NOBOX: variants seen among roughly 807,000 people sequenced by gnomAD.
The protein encoded by NOBOX is homeobox protein NOBOX.
A neutral mutation model predicts 60.2 loss-of-function variants in NOBOX; 46 were observed. The observed-to-expected ratio is 0.76, with a 90% confidence interval of 0.60 to 0.98. The LOEUF (loss-of-function observed/expected upper bound fraction) is 0.98. Ranked by LOEUF, NOBOX falls within the 50% of genes least tolerant of loss-of-function variation. NOBOX has a pLI of 0.00. For missense variants in NOBOX, 880 were observed against 865.5 expected, an observed-to-expected ratio of 1.02 and a Z score of -0.21; for synonymous variants, 360 against 346.3, an observed-to-expected ratio of 1.04 and a Z score of -0.44.
rs757697634 is a variant in NOBOX at position 144,404,675 on chromosome 7, G to T, written c.91C>A (p.Pro31Thr). Residue 31 changes from proline to threonine, a missense_variant, in exon 2 of 10, where the codon CCC becomes ACC. By Grantham distance (38) the Pro-to-Thr change is conservative. Transcript: ENST00000467773. ...ACAGGAAATTCAGGTACAGCCAGGG[G>T]CGGCCCTGCCAGGGACGGTGTGGTT... 1 of 1,613,456 alleles carries T rather than the reference G, an allele frequency of 6.2e-7. No individual in the cohort carries two copies. The highest frequency in any genetic ancestry group is 8.5e-7 in the Non-Finnish European group (1 of 1,179,558).
At chr7:144,403,906 G>A (rs1177906882) in intron 2 of NOBOX, among the ~76,000 whole-genome samples, 7 of 152,008 alleles carry the variant, frequency 4.6e-5, no homozygotes, top group Admixed American at 4.6e-4. Context: ...GGAGGACCCG[G>A]GCCTGGGCGC....
chr7:144,403,802 G>C, intron 2 of NOBOX, 109 bp from the exon 1 acceptor site: 1 of 455,336 alleles, frequency 2.2e-6, no homozygotes, highest in South Asian at 2.7e-5. Flanking sequence ...CGGGCCGGGG[G>C]AGCCGTAGCC....
Position 144,397,452 on chromosome 7 carries a change from C to T in NOBOX, c.1864G>A (p.Asp622Asn), listed in dbSNP as rs2053901115. 2.0e-6 allele frequency: 3 copies of T among 1,537,224 alleles called. No homozygotes were observed. The highest frequency in any genetic ancestry group is 1.2e-5 in the South Asian group (1 of 84,058). The change falls in exon 10 of 10, where the codon GAT becomes AAT. Residue 622 changes from aspartate (D) to asparagine (N), a missense_variant. Asp to Asn is a conservative substitution (Grantham distance 23). Transcript: ENST00000467773. ...GGAAATAGATCAGGAAAGTAGCCAT[C>T]CCCTCCTGGGGGATGCCCCAGAGCT...
At chr7:144,399,904 C>A in intron 5 of NOBOX, 41 bp from the exon 4 acceptor site, 1 of 1,521,096 alleles carries the variant, frequency 6.6e-7, no homozygotes, top group Non-Finnish European at 9.1e-7. Context: ...AGAAGAGGGG[C>A]AGAGACTGAG....
chr7:144,405,254 T>C (rs146638336), intron 1 of NOBOX, among the ~76,000 whole-genome samples: 2 of 152,320 alleles, frequency 1.3e-5, no homozygotes, highest in Admixed American at 6.5e-5. Context: ...GTGCTAGAAA[T>C]GAAGCATTCC....
At position 144,403,975 on chromosome 7, in the gene NOBOX, G is replaced by A. The variant is rs1007688710; in HGVS notation, c.210+581C>T. On this transcript the variant is annotated intron_variant, in intron 2 of 9. Transcript: ENST00000467773. ...GCCCAGGTGCGGGTCTCCTTCAGGC[G>A]GCCCCTCCCGTGGCGGGGCTGGAGG... Among the ~76,000 whole-genome samples the A allele has an allele frequency of 4.6e-5, 7 of 152,234 alleles. No homozygotes were observed. The East Asian group carries it at 1.4e-3, about 30-fold the overall frequency.
intron 2 of NOBOX, among the ~76,000 whole-genome samples, chr7:144,402,678 A>G (rs527241674): frequency 6.6e-6 from 1 of 151,982 alleles, no homozygotes; most frequent in East Asian, 1.9e-4. Context: ...TTTGTAATGA[A>G]TGCTAAGTAA....
Position 144,400,450 on chromosome 7 carries a change from T to A in NOBOX, c.845-138A>T, listed in dbSNP as rs898592097. 8 of 720,520 alleles carry A rather than the reference T, an allele frequency of 1.1e-5. No homozygotes were observed. In the African/African-American group the frequency reaches 1.2e-4, roughly 11 times the overall value. The allele number at this position is 720,520 out of a possible 1,614,324, so 44.6% of individuals were successfully genotyped here. ...CAACACTTTCCCAAAGCCTTTTTCC[T>A]ATTGGGCTGGGCCTTCTCGCTCTTG... On this transcript the variant is annotated intron_variant, in intron 4 of 9. Transcript: ENST00000467773.
chr7:144,397,593 T>A (rs144093209), intron 9 of NOBOX, 52 bp from the exon 8 acceptor site: 1 of 1,402,378 alleles, frequency 7.1e-7, no homozygotes, highest in Non-Finnish European at 9.5e-7. Flanking sequence ...GAGTATCAAC[T>A]ATCATTAACA....
chr7:144,404,557 G>A lies in NOBOX; in HGVS notation c.209C>T (p.Ser70Leu). ...AGCCACAGCGCTCGCCCCCCGTACT[G>A]ATTTGAGGGTCTCCAGAGCACAAAG... The change falls in exon 2 of 10, where the codon TCA (serine) becomes TTA (leucine). Residue 70 changes from serine to leucine, a missense_variant and splice_region_variant. Ser to Leu is a moderately radical substitution (Grantham distance 145). Coordinates refer to ENST00000467773, the MANE Select transcript of NOBOX (RefSeq NM_001080413.3). 6.2e-7 allele frequency: 1 copy of A among 1,612,858 alleles called. No individual in the cohort carries two copies. Among genetic ancestry groups the A allele is most frequent in the Non-Finnish European group, 8.5e-7 (1 of 1,179,582 alleles).
chr7:144,400,977 C>A, intron 4 of NOBOX, 69 bp downstream of exon 2: 2 of 1,340,974 alleles, frequency 1.5e-6, no homozygotes, highest in Non-Finnish European at 2.0e-6. Flanking sequence ...GGGGTAGATT[C>A]TTCACACAGC....
At chr7:144,397,168 C>G, downstream of NOBOX, 1 of 1,353,342 alleles carries the variant, frequency 7.4e-7, no homozygotes, top group Non-Finnish European at 9.9e-7. Context: ...CCCAAACCCC[C>G]AACCCCTGTC....
intron 2 of NOBOX, 46 bp from the exon 1 acceptor site, chr7:144,403,739 G>C (rs776186550): frequency 1.3e-5 from 9 of 690,692 alleles, no homozygotes; most frequent in East Asian, 1.1e-4. Context: ...GCACAGGCGC[G>C]GCCTAATGAA....
At chr7:144,403,447 G>C (rs1194682576) in intron 2 of NOBOX, among the ~76,000 whole-genome samples, 2 of 151,982 alleles carry the variant, frequency 1.3e-5, no homozygotes, top group Non-Finnish European at 2.9e-5. Context: ...CGGGCAGGGG[G>C]CGCGGGGGAG....
intron 1 of NOBOX, among the ~76,000 whole-genome samples, chr7:144,408,848 C>A (rs898130957): frequency 1.3e-5 from 2 of 152,150 alleles, no homozygotes; most frequent in Non-Finnish European, 2.9e-5. Flanking sequence ...CGTTCTGAAT[C>A]TTGGCTATAG....
chr7:144,410,147 C>T lies in NOBOX; in HGVS notation c.81G>A (p.Gln27=). The change falls in exon 1 of 10, where the codon CAG becomes CAA. Residue 27 remains glutamine, a synonymous_variant. Coordinates refer to ENST00000467773, the MANE Select transcript of NOBOX (RefSeq NM_001080413.3). Reference sequence around the variant, plus strand: ...GCTTCCAGGACATGAGCTCACCCTCCTGGGCTTTGAAGCCATCCTTGTCTC... The same window carrying T: ...GCTTCCAGGACATGAGCTCACCCTCTTGGGCTTTGAAGCCATCCTTGTCTC... 6.4e-7 allele frequency: 1 copy of T among 1,561,380 alleles called. No individual in the cohort carries two copies. The highest frequency in any genetic ancestry group is 8.7e-7 in the Non-Finnish European group (1 of 1,150,580).
rs1218459171 is a variant in NOBOX at position 144,401,990 on chromosome 7, A to G, written c.211-40T>C. On this transcript the variant is annotated intron_variant, in intron 2 of 9. Transcript: ENST00000467773. This position sits in a 1 kb window ranked among gnomAD's most constrained non-coding sequence, Gnocchi z 4.2. ...GGAAGACAAAGAGAAACAGATTGAC[A>G]GAGATTCTGCTTCTCCCAAGGCGGG... is the stretch of plus-strand genomic sequence containing the variant. The G allele has an allele frequency of 3.4e-6, 5 of 1,457,812 alleles. No homozygotes were observed. The highest frequency in any genetic ancestry group is 4.8e-6 in the Non-Finnish European group (5 of 1,039,318). 90.3% of individuals were successfully genotyped at this position (1,457,812 alleles called of 1,614,324 possible).
Position 144,401,857 on chromosome 7 carries a change from G to A in NOBOX, c.292+12C>T. ...GTTAGCTCATGGTATCTCCTAATTT[G>A]GGGGTACTCACCCCTTGTGAGTTCC... On this transcript the variant is annotated intron_variant, in intron 3 of 9. Transcript: ENST00000467773. The surrounding 1 kb of genome is among the most constrained non-coding windows in gnomAD (Gnocchi z 4.2). The A allele has an allele frequency of 6.5e-7, 1 of 1,545,436 alleles. No individual in the cohort carries two copies. The highest frequency in any genetic ancestry group is 8.9e-7 in the Non-Finnish European group (1 of 1,119,766).
intron 9 of NOBOX, 135 bp downstream of exon 7, chr7:144,398,147 T>G: frequency 1.3e-6 from 1 of 789,776 alleles, no homozygotes; most frequent in South Asian, 1.5e-5. Flanking sequence ...AAGAGCTTAA[T>G]AGAACTAGGG....
Sources: allele counts gnomAD v4.1 joint callset (sites outside exome capture counted in the v4.1 genomes callset), GRCh38; gene constraint gnomAD v4.1.1; non-coding constraint Gnocchi (gnomAD v3.1); transcripts MANE v1.5; gene names NCBI Gene and HGNC (gene_info 2026-07-23, HGNC 2026-07-21).